The following ADCK5 variants were observed in gnomAD, a reference collection of about 807,000 sequenced individuals.
ADCK5 encodes the protein aarF domain containing kinase 5.
Under a neutral mutation model 64.9 loss-of-function variants are expected in ADCK5, and 43 were observed. The observed-to-expected ratio is 0.66, with a 90% CI of 0.52 to 0.85. The LOEUF (loss-of-function observed/expected upper bound fraction) is 0.85. Among genes scored for constraint, ADCK5 ranks in the 40% least tolerant of loss-of-function variants. The probability of loss-of-function intolerance (pLI) is 0.00; values close to 1 mark genes in which losing one functional copy is unlikely to be tolerated. For missense variants in ADCK5, 760 were observed against 810.5 expected (o/e 0.94, Z 0.76); for synonymous variants, 434 against 342.8 (o/e 1.27, Z -2.94).
At position 144,392,442 on chromosome 8, in the gene ADCK5, C is replaced by T. The variant is rs1257854697; in HGVS notation, c.1268-3C>T. On this transcript the variant is annotated splice_region_variant and splice_polypyrimidine_tract_variant and intron_variant, in intron 12 of 14. Transcript: ENST00000308860. ...CTCCCTCCCTCCCTCCCTCCCTCCC[C>T]AGACTACCTCCTGTTCGCCGAGATG... 2.0e-5 allele frequency: 30 copies of T among 1,504,466 alleles called. No homozygotes were observed. The highest frequency in any genetic ancestry group is 2.5e-5 in the Non-Finnish European group (28 of 1,126,512). 93.2% of individuals were successfully genotyped at this position (1,504,466 alleles called of 1,614,324 possible).
chr8:144,379,455 G>C lies in ADCK5; in HGVS notation c.81G>C (p.Val27=), dbSNP rs1310197001. The C allele has an allele frequency of 2.1e-5, 33 of 1,609,680 alleles. No homozygotes were observed. Among genetic ancestry groups the C allele is most frequent in the African/African-American group, 4.0e-5 (3 of 74,836 alleles). Reference sequence around the variant, plus strand: ...AGAAGCCCTGGCCGTCCCCTGCTGTGTTCTTCAGGAGAAACGTCAGGGGCC... The same window carrying C: ...AGAAGCCCTGGCCGTCCCCTGCTGTCTTCTTCAGGAGAAACGTCAGGGGCC... ...SRQKPWPSPA[V]FFRRNVRGLP... The change falls in exon 2 of 15, where the codon GTG becomes GTC. Residue 27 remains valine, a synonymous_variant. Coordinates refer to ENST00000308860, the MANE Select transcript of ADCK5 (RefSeq NM_174922.5).
intron 1 of ADCK5, among the ~76,000 whole-genome samples, chr8:144,377,922 A>G (rs188015992): frequency 3.6e-4 from 55 of 152,328 alleles, no homozygotes; most frequent in Admixed American, 2.9e-3. Context: ...TCTCAGCAGC[A>G]GGAAATAGTA....
intron 2 of ADCK5, among the ~76,000 whole-genome samples, chr8:144,382,785 T>G (rs1230168235): frequency 1.3e-5 from 2 of 152,260 alleles, no homozygotes; most frequent in Non-Finnish European, 2.9e-5. Flanking sequence ...GCCATTGAGC[T>G]GCTTCCTTTA....
chr8:144,383,984 C>G (rs1399432862), intron 3 of ADCK5, among the ~76,000 whole-genome samples: 2 of 149,426 alleles, frequency 1.3e-5, no homozygotes, highest in Non-Finnish European at 1.5e-5. Context: ...CCCCGCCTCC[C>G]TGGTTCACGC....
chr8:144,375,017 G>A (rs889367614), intron 1 of ADCK5, among the ~76,000 whole-genome samples: 8 of 152,260 alleles, frequency 5.3e-5, no homozygotes, highest in Non-Finnish European at 1.0e-4. Flanking sequence ...CGATAAGCTA[G>A]CCTTGCCCGT....
chr8:144,389,633 G>C (rs1478114129), intron 3 of ADCK5, among the ~76,000 whole-genome samples: 2 of 152,070 alleles, frequency 1.3e-5, no homozygotes, highest in African/African-American at 4.8e-5. Context: ...CTGACTTCAA[G>C]TGATTCTCCT....
chr8:144,374,152 G>A (rs782512920), intron 1 of ADCK5, 45 bp downstream of exon 1: 36 of 1,247,672 alleles, frequency 2.9e-5, no homozygotes, highest in Non-Finnish European at 7.1e-6. Flanking sequence ...CTGCACACCA[G>A]CCCCAGAGAC....
upstream of ADCK5, chr8:144,373,946 A>T: frequency 1.1e-6 from 1 of 917,950 alleles, no homozygotes; most frequent in Non-Finnish European, 1.4e-6. Flanking sequence ...GGCCGGCACG[A>T]CTCGGGGCGT....
intron 2 of ADCK5, among the ~76,000 whole-genome samples, chr8:144,379,953 G>A (rs782487693): frequency 1.3e-5 from 2 of 152,234 alleles, no homozygotes; most frequent in Admixed American, 6.5e-5. Context: ...CAGGAAGGCC[G>A]TGGAGGGTAG....
chr8:144,380,447 G>A (rs1393631457), intron 2 of ADCK5, among the ~76,000 whole-genome samples: 3 of 148,456 alleles, frequency 2.0e-5, no homozygotes, highest in South Asian at 2.1e-4. Context: ...TCAGGATTAT[G>A]GGCTGGGTGT....
At position 144,392,554 on chromosome 8, in the gene ADCK5, C is replaced by T. The variant is rs782049268; in HGVS notation, c.1377C>T (p.Ala459=). 6.4e-7 allele frequency: 1 copy of T among 1,566,142 alleles called. No individual in the cohort carries two copies. The highest frequency in any genetic ancestry group is 1.2e-5 in the South Asian group (1 of 86,374). ...AGGCGGCCTACATGGTGGACATGGCCCGCGAGCGCTTCGAGGCCGTCATGG... is the reference window on the plus strand; with the variant it reads ...AGGCGGCCTACATGGTGGACATGGCTCGCGAGCGCTTCGAGGCCGTCATGG... ...REEAAYMVDM[A]RERFEAVMAV... is the part of the protein sequence containing the mutation. Residue 459 remains alanine, a synonymous_variant, in exon 13 of 15, where the codon GCC becomes GCT. Transcript: ENST00000308860.
chr8:144,373,782 G>T, upstream of ADCK5: 1 of 337,670 alleles, frequency 3.0e-6, no homozygotes, highest in Non-Finnish European at 5.3e-6. Context: ...GATTATCCAC[G>T]TGCTTCTCAC....
chr8:144,391,363 G>A lies in ADCK5; in HGVS notation c.687G>A (p.Val229=). 6.2e-7 allele frequency: 1 copy of A among 1,613,148 alleles called. No individual in the cohort carries two copies. Among genetic ancestry groups the A allele is most frequent in the African/African-American group, 1.3e-5 (1 of 75,050 alleles). Residue 229 remains valine, a splice_region_variant and synonymous_variant, in exon 7 of 15, where the codon GTG becomes GTA. Coordinates refer to ENST00000308860, the MANE Select transcript of ADCK5 (RefSeq NM_174922.5). The part of the protein sequence containing the change: ...LHDGTSVAVK[V]QYIDLRDRFD... Reference sequence around the variant, plus strand: ...CACCACACCCTCGCCCAGTGCAGGTGCAGTACATCGACCTGCGGGACCGCT... The same window carrying A: ...CACCACACCCTCGCCCAGTGCAGGTACAGTACATCGACCTGCGGGACCGCT...
At chr8:144,379,608 A>T (rs375853047) in intron 2 of ADCK5, 118 bp downstream of exon 2, 2 of 818,232 alleles carry the variant, frequency 2.4e-6, no homozygotes, top group African/African-American at 3.5e-5. Context: ...ACCCACAACC[A>T]AGGCAGGATA....
At chr8:144,389,637 T>G (rs1425440857) in intron 3 of ADCK5, among the ~76,000 whole-genome samples, 1 of 151,970 alleles carries the variant, frequency 6.6e-6, no homozygotes, top group Non-Finnish European at 1.5e-5. Context: ...CTTCAAGTGA[T>G]TCTCCTGCCT....
In ADCK5 at chr8:144,392,495, C is replaced by T. The variant is rs1325942550; in HGVS notation, c.1318C>T (p.Gln440Ter). ...MLMQRPVRLG[Q>*]LWGSHLLSRE... The stretch of plus-strand genomic sequence containing the variant: ...CATGCAGCGCCCCGTGCGCCTGGGG[C>T]AGCTGTGGGGCTCGCACCTACTGAG... The change falls in exon 13 of 15, where the codon CAG becomes TAG. Residue 440 changes from glutamine (Q) to a stop codon, truncating the protein, a stop_gained. Coordinates refer to ENST00000308860, the MANE Select transcript of ADCK5 (RefSeq NM_174922.5). LOFTEE classifies it high-confidence loss of function. The T allele has an allele frequency of 3.1e-6, 4 of 1,286,990 alleles. No individual in the cohort carries two copies. The highest frequency in any genetic ancestry group is 4.0e-6 in the Non-Finnish European group (4 of 989,114). The allele number at this position is 1,286,990 out of a possible 1,614,324, so 79.7% of individuals were successfully genotyped here.
intron 3 of ADCK5, among the ~76,000 whole-genome samples, chr8:144,386,518 C>T (rs988261731): frequency 3.3e-5 from 5 of 151,848 alleles, no homozygotes; most frequent in Admixed American, 1.3e-4. Context: ...CCATCACGCC[C>T]GGCTAATTTT....
intron 3 of ADCK5, among the ~76,000 whole-genome samples, chr8:144,389,776 C>T (rs781894661): frequency 5.3e-5 from 8 of 151,630 alleles, no homozygotes; most frequent in Non-Finnish European, 7.4e-5. Context: ...GTGATCTGCC[C>T]GCCTCGGCCT....
At chr8:144,385,790 C>T (rs1341301404) in intron 3 of ADCK5, among the ~76,000 whole-genome samples, 1 of 151,372 alleles carries the variant, frequency 6.6e-6, no homozygotes, top group Non-Finnish European at 1.5e-5. Flanking sequence ...GGTGAAACCC[C>T]GTCTCTACTA....
Sources: allele counts gnomAD v4.1 joint callset (sites outside exome capture counted in the v4.1 genomes callset), GRCh38; gene constraint gnomAD v4.1.1; transcripts MANE v1.5; gene names NCBI Gene and HGNC (gene_info 2026-07-23, HGNC 2026-07-21).